The following TAF12 variants were observed in gnomAD, a reference collection of about 807,000 sequenced individuals.
TAF12 encodes transcription initiation factor TFIID subunit 12.
In TAF12, 3 loss-of-function variants were observed where a neutral mutation model predicts 20.8. The ratio of observed to expected loss-of-function variants is 0.14; its 90% CI spans 0.07 to 0.37. TAF12 has a LOEUF of 0.37. Among genes scored for constraint, TAF12 ranks in the 10% least tolerant of loss-of-function variants. TAF12 has a pLI of 1.00. For missense variants in TAF12, 131 were observed against 197.9 expected (o/e 0.66, Z 2.03); for synonymous variants, 69 against 70.2 (o/e 0.98, Z 0.09).
intron 2 of TAF12, among the ~76,000 whole-genome samples, chr1:28,621,264 T>C (rs1006682976): frequency 3.9e-5 from 6 of 152,096 alleles, no homozygotes; most frequent in African/African-American, 1.2e-4. Flanking sequence ...AACTCATCCA[T>C]TCTACACAGC....
intron 3 of TAF12, among the ~76,000 whole-genome samples, chr1:28,617,017 G>T (rs1011857291): frequency 2.6e-5 from 4 of 152,134 alleles, no homozygotes; most frequent in African/African-American, 4.8e-5. Context: ...CTACTCAGGA[G>T]GCTGAGGCAG....
At chr1:28,623,858 G>T in intron 1 of TAF12, 1 of 587,060 alleles carries the variant, frequency 1.7e-6, no homozygotes, top group Non-Finnish European at 2.1e-6. Flanking sequence ...GAGTCATGAG[G>T]CTGACTCTGT....
rs116717472 is a variant in TAF12, at chr1:28,628,411, G to A, written c.-84-6246C>T. 9.2e-5 allele frequency among the ~76,000 whole-genome samples: 14 copies of A among 151,976 alleles called. No individual in the cohort carries two copies. In the East Asian group the frequency reaches 1.2e-3, roughly 13 times the overall value. On this transcript the variant is annotated intron_variant, in intron 1 of 5. Coordinates refer to ENST00000373824, the MANE Select transcript of TAF12 (RefSeq NM_005644.4). ...GTCACAAAAAAAACACATATTGTAC[G>A]ATTACATTTATATGAAATGTCCAGA...
At chr1:28,632,728 C>G (rs1454876529) in intron 1 of TAF12, among the ~76,000 whole-genome samples, 2 of 151,960 alleles carry the variant, frequency 1.3e-5, no homozygotes, top group African/African-American at 4.8e-5. Context: ...AAAGGAGCAG[C>G]ATGATTAAAT....
At chr1:28,621,484 AACT>A (rs1182629985) in intron 2 of TAF12, among the ~76,000 whole-genome samples, 7 of 152,338 alleles carry the variant, frequency 4.6e-5, no homozygotes, top group African/African-American at 1.7e-4. Flanking sequence ...TTTATTTAAC[AACT>A]ACATGGTTAA....
rs1315021548 is a variant in TAF12 at position 28,617,903 on chromosome 1, C to CT, written c.246+49dup. On this transcript the variant is annotated intron_variant, in intron 3 of 5. Coordinates refer to ENST00000373824, the MANE Select transcript of TAF12 (RefSeq NM_005644.4). ...CCTGTTTGTGCTCTTAACCACTATG[C>CT]TATACCGGTTCTCAGGGACCAGTTT... 3 of 1,539,424 alleles carry CT rather than the reference C, an allele frequency of 1.9e-6. No individual in the cohort carries two copies. In the African/African-American group the frequency reaches 4.1e-5, roughly 21 times the overall value.
At chr1:28,605,334 C>A in intron 5 of TAF12, 38 bp downstream of exon 5, 1 of 1,600,592 alleles carries the variant, frequency 6.2e-7, no homozygotes, top group South Asian at 1.1e-5. Flanking sequence ...CTCAAGGAAT[C>A]AGCCCTGGCT....
chr1:28,623,556 T>G (rs1371006206), intron 1 of TAF12, among the ~76,000 whole-genome samples: 2 of 151,970 alleles, frequency 1.3e-5, no homozygotes, highest in African/African-American at 4.8e-5. Context: ...GTAAAAATAG[T>G]TAAGTACTAC....
upstream of TAF12, among the ~76,000 whole-genome samples, chr1:28,646,666 AT>A (rs1209000459): frequency 6.7e-6 from 1 of 148,500 alleles, no homozygotes; most frequent in Non-Finnish European, 1.5e-5. Context: ...AGTAGCTAGG[AT>A]TACAGGCACC....
chr1:28,618,562 G>A (rs955380942), intron 2 of TAF12, among the ~76,000 whole-genome samples: 17 of 137,134 alleles, frequency 1.2e-4, no homozygotes, highest in Admixed American at 5.4e-4. Context: ...TTTTTTGAGA[G>A]ACAGGATCTC....
intron 2 of TAF12, among the ~76,000 whole-genome samples, chr1:28,620,848 T>G (rs773985767): frequency 9.9e-5 from 15 of 152,176 alleles, no homozygotes; most frequent in Non-Finnish European, 2.1e-4. Context: ...TAATGATGTC[T>G]CATATCTATC....
At chr1:28,641,988 A>C (rs1418730414) in intron 1 of TAF12, among the ~76,000 whole-genome samples, 3 of 152,078 alleles carry the variant, frequency 2.0e-5, no homozygotes, top group African/African-American at 7.2e-5. Context: ...TAAATGTAAA[A>C]TAGGAGTTTT....
At position 28,643,024 on chromosome 1, in the gene TAF12, G is replaced by C. The variant is rs1668089717; in HGVS notation, c.-117C>G. On this transcript the variant is annotated 5_prime_UTR_variant, in exon 1 of 6. Transcript: ENST00000373824. ...AGCGTCTATCTCCCCATGATATGCA[G>C]AGACTGCCCCAGTGAAGCGTTCGTC... 4 of 985,806 alleles carry C rather than the reference G, an allele frequency of 4.1e-6. No homozygotes were observed. Among genetic ancestry groups the C allele is most frequent in the Non-Finnish European group, 4.8e-6 (4 of 830,008 alleles). The allele number at this position is 985,806 out of a possible 1,614,324, so 61.1% of individuals were successfully genotyped here.
intron 4 of TAF12, among the ~76,000 whole-genome samples, chr1:28,608,317 C>T (rs1057459234): frequency 6.7e-5 from 10 of 149,254 alleles, no homozygotes; most frequent in Admixed American, 4.7e-4. Context: ...TGCACTCCAG[C>T]GTGGGCGATA....
chr1:28,605,505 A>G (rs372859679), intron 4 of TAF12, 45 bp from the exon 5 acceptor site: 2 of 1,586,154 alleles, frequency 1.3e-6, no homozygotes, highest in Non-Finnish European at 1.7e-6. Flanking sequence ...CCAAGAAGGC[A>G]GTACCAGGAG....
chr1:28,605,283 C>T, intron 5 of TAF12, 89 bp downstream of exon 5: 2 of 1,374,890 alleles, frequency 1.5e-6, no homozygotes, highest in Non-Finnish European at 2.1e-6. Flanking sequence ...GGAAGCGAGG[C>T]CCCCTAGAAG....
At chr1:28,607,928 A>G (rs1275392102) in intron 4 of TAF12, among the ~76,000 whole-genome samples, 1 of 151,900 alleles carries the variant, frequency 6.6e-6, no homozygotes, top group East Asian at 1.9e-4. Flanking sequence ...CTTGAGGCCA[A>G]GAGTTCAAGA....
At chr1:28,637,613 C>T (rs1459094144) in intron 1 of TAF12, among the ~76,000 whole-genome samples, 1 of 151,374 alleles carries the variant, frequency 6.6e-6, no homozygotes, top group Non-Finnish European at 1.5e-5. Context: ...TGCAGTGAGC[C>T]GAGATCACAC....
At chr1:28,620,455 C>A (rs1471750632) in intron 2 of TAF12, among the ~76,000 whole-genome samples, 2 of 134,770 alleles carry the variant, frequency 1.5e-5, no homozygotes, top group Non-Finnish European at 3.2e-5. Context: ...TTTTTTTTTG[C>A]AACAGAGTCT....
Sources: gnomAD v4.1 joint callset for allele counts (sites outside exome capture counted in the v4.1 genomes callset) on GRCh38, gnomAD v4.1.1 for gene constraint, MANE v1.5 for transcripts, NCBI Gene and HGNC (gene_info 2026-07-23, HGNC 2026-07-21) for gene names.